Variants in SPIDR observed in about 807,000 individuals in gnomAD.
The protein encoded by SPIDR is DNA repair-scaffolding protein.
In SPIDR, 93 loss-of-function variants were observed where a neutral mutation model predicts 104.6. The observed-to-expected ratio is 0.89, with a 90% CI of 0.75 to 1.06. The LOEUF (loss-of-function observed/expected upper bound fraction) is 1.06. Ranked by LOEUF, SPIDR falls within the 50% of genes least tolerant of loss-of-function variation. SPIDR has a pLI of 0.00. For synonymous variants in SPIDR, 431 were observed against 416.9 expected (o/e 1.03, Z -0.41); for missense variants, 1,154 against 1,111.2 (o/e 1.04, Z -0.55).
In SPIDR at chr8:47,572,731, G is replaced by A. The variant is rs1248428525; in HGVS notation, c.1098-23080G>A. Among the ~76,000 whole-genome samples, 5 of 151,596 alleles carry A rather than the reference G, an allele frequency of 3.3e-5. No individual in the cohort carries two copies. The East Asian group carries it at 5.8e-4, about 18-fold the overall frequency. On this transcript the variant is annotated intron_variant, in intron 8 of 19. Transcript: ENST00000297423. ...AAATAACTTGTACGATTCCTGTATTGTTTCCTTTGAAGATGTGGTTTGCAA... is the reference window on the plus strand; with the variant it reads ...AAATAACTTGTACGATTCCTGTATTATTTCCTTTGAAGATGTGGTTTGCAA...
chr8:47,726,122 C>T (rs936448034), intron 16 of SPIDR, among the ~76,000 whole-genome samples: 3 of 152,250 alleles, frequency 2.0e-5, no homozygotes, highest in East Asian at 1.9e-4. Context: ...AGCTGCATTA[C>T]GAGCCTTTAT....
At chr8:47,499,923 G>C (rs2080102695) in intron 8 of SPIDR, among the ~76,000 whole-genome samples, 1 of 152,106 alleles carries the variant, frequency 6.6e-6, no homozygotes, top group Non-Finnish European at 1.5e-5. Flanking sequence ...ATAGTTTGCT[G>C]AGATTGATGG....
chr8:47,729,421 C>T lies in SPIDR; in HGVS notation c.2560C>T (p.Arg854Cys), dbSNP rs1019399156. 16 of 1,594,474 alleles carry T rather than the reference C, an allele frequency of 1.0e-5. No homozygotes were observed. Among genetic ancestry groups the T allele is most frequent in the African/African-American group, 1.3e-5 (1 of 74,760 alleles). ...GCTTCTGCTGTTGCAGCTGTTGCAG[C>T]GCAGCATTTCCTCCCTGCTGAGGTT... The part of the protein sequence containing the change: ...QCRVKVKLLQ[R>C]SISSLLRFAA... The change falls in exon 19 of 20, where the codon CGC (arginine) becomes TGC (cysteine). Residue 854 changes from arginine (R) to cysteine (C), a missense_variant. Physicochemically the swap from Arg to Cys is radical, Grantham distance 180. Transcript: ENST00000297423.
chr8:47,639,873 G>A (rs1025453726), intron 10 of SPIDR, among the ~76,000 whole-genome samples: 3 of 151,910 alleles, frequency 2.0e-5, no homozygotes, highest in Non-Finnish European at 2.9e-5. Flanking sequence ...GCTTGAACCC[G>A]GAGGCAGAGG....
In SPIDR at chr8:47,493,038, A is replaced by AGTGTGTGTGT. The variant is rs1363442147; in HGVS notation, c.1097+52499_1097+52500insTGTGTGTGTG. Among the ~76,000 whole-genome samples the AGTGTGTGTGT allele has an allele frequency of 8.8e-3, 570 of 64,780 alleles. 2 individuals are homozygous for AGTGTGTGTGT. The highest frequency in any genetic ancestry group is 0.013 in the Non-Finnish European group (451 of 34,414). 42.5% of individuals were successfully genotyped at this position (64,780 alleles called of 152,430 possible). A position where few individuals can be genotyped will look rare whatever the true frequency, so the allele number is the denominator to read the frequency against. The stretch of plus-strand genomic sequence containing the variant: ...ATTGGAGAGAGAGAGAGAGAGAGAG[A>AGTGTGTGTGT]GTGAGTGTGTGTGTGTGTGTGTGTG... On this transcript the variant is annotated intron_variant, in intron 8 of 19. Transcript: ENST00000297423.
At chr8:47,411,910 G>A (rs2063584886) in intron 7 of SPIDR, among the ~76,000 whole-genome samples, 1 of 152,116 alleles carries the variant, frequency 6.6e-6, no homozygotes, top group African/African-American at 2.4e-5. Context: ...ATTAAATAAG[G>A]ATTCCTTTCC....
At chr8:47,545,761 A>G (rs959418551) in intron 8 of SPIDR, among the ~76,000 whole-genome samples, 10 of 151,994 alleles carry the variant, frequency 6.6e-5, no homozygotes, top group Non-Finnish European at 1.3e-4. Flanking sequence ...AATATTAACT[A>G]TAGGTTTTTT....
intron 8 of SPIDR, among the ~76,000 whole-genome samples, chr8:47,504,179 C>T (rs1275058541): frequency 2.0e-5 from 3 of 152,130 alleles, no homozygotes; most frequent in Non-Finnish European, 4.4e-5. Flanking sequence ...TGAATGTTGG[C>T]CTGCCTTGCT....
chr8:47,263,554 C>A (rs1458827589), intron 1 of SPIDR, among the ~76,000 whole-genome samples: 1 of 152,110 alleles, frequency 6.6e-6, no homozygotes, highest in African/African-American at 2.4e-5. Context: ...CTCCTGACGT[C>A]GTGATCCGCC....
At chr8:47,370,348 A>G (rs2154294638) in intron 5 of SPIDR, among the ~76,000 whole-genome samples, 1 of 152,282 alleles carries the variant, frequency 6.6e-6, no homozygotes, top group East Asian at 1.9e-4. Flanking sequence ...CCAACACATA[A>G]GAAACAGTAT....
At chr8:47,580,074 A>G (rs937267122) in intron 8 of SPIDR, among the ~76,000 whole-genome samples, 1 of 152,238 alleles carries the variant, frequency 6.6e-6, no homozygotes, top group Non-Finnish European at 1.5e-5. Flanking sequence ...GAAGAGGACT[A>G]AGAGCATAGC....
rs907667491 is a variant in SPIDR at position 47,576,953 on chromosome 8, C to T, written c.1098-18858C>T. On this transcript the variant is annotated intron_variant, in intron 8 of 19. Transcript: ENST00000297423. ...TTTGACCTGCCATACAACAGTACCA[C>T]TCCAAATAGTTTTCACCTGGAGAAA... is the stretch of plus-strand genomic sequence containing the variant. Among the ~76,000 whole-genome samples, 21 of 152,292 alleles carry T rather than the reference C, an allele frequency of 1.4e-4. 1 individual carries two copies. Among genetic ancestry groups the T allele is most frequent in the Admixed American group, 1.4e-3 (21 of 15,296 alleles).
At chr8:47,414,661 C>A (rs1298386931) in intron 7 of SPIDR, among the ~76,000 whole-genome samples, 1 of 152,164 alleles carries the variant, frequency 6.6e-6, no homozygotes, top group African/African-American at 2.4e-5. Flanking sequence ...GTATCCCACT[C>A]CCTTATATTG....
At chr8:47,665,599 T>C (rs2074800402) in intron 10 of SPIDR, among the ~76,000 whole-genome samples, 1 of 152,234 alleles carries the variant, frequency 6.6e-6, no homozygotes, top group Non-Finnish European at 1.5e-5. Flanking sequence ...AATTAAATAA[T>C]GTCATACATA....
chr8:47,449,761 C>T (rs1390556538), intron 8 of SPIDR, among the ~76,000 whole-genome samples: 2 of 152,126 alleles, frequency 1.3e-5, no homozygotes, highest in African/African-American at 4.8e-5. Context: ...GGAAGGCAGT[C>T]ATTTATTCTA....
At position 47,553,438 on chromosome 8, in the gene SPIDR, C is replaced by T. The variant is rs571782518; in HGVS notation, c.1098-42373C>T. Reference sequence around the variant, plus strand: ...TCCCATATTTTTTGGAGGCATTGTTCGTTTCTTTTTACTCTTTTTTCTCTA... The same window carrying T: ...TCCCATATTTTTTGGAGGCATTGTTTGTTTCTTTTTACTCTTTTTTCTCTA... On this transcript the variant is annotated intron_variant, in intron 8 of 19. Transcript: ENST00000297423. Among the ~76,000 whole-genome samples the T allele has an allele frequency of 6.6e-5, 10 of 152,220 alleles. No homozygotes were observed. The East Asian group carries it at 7.7e-4, about 12-fold the overall frequency.
At chr8:47,432,848 A>G (rs537420292) in intron 7 of SPIDR, among the ~76,000 whole-genome samples, 3 of 152,316 alleles carry the variant, frequency 2.0e-5, no homozygotes, top group East Asian at 3.9e-4. Context: ...CAGGGTGGCT[A>G]TCATTACATC....
chr8:47,485,472 A>C (rs1384897811), intron 8 of SPIDR, among the ~76,000 whole-genome samples: 2 of 152,212 alleles, frequency 1.3e-5, no homozygotes, highest in Non-Finnish European at 2.9e-5. Context: ...CTGCAGACTT[A>C]AATGTCCCTG....
chr8:47,685,497 A>ATTTTTTTTT (rs1383864694), intron 11 of SPIDR, among the ~76,000 whole-genome samples: 27 of 113,178 alleles, frequency 2.4e-4, no homozygotes, highest in Non-Finnish European at 4.1e-4. Flanking sequence ...TTATTTATTT[A>ATTTTTTTTT]TTTATTTATT....
Sources: gnomAD v4.1 joint callset for allele counts (sites outside exome capture counted in the v4.1 genomes callset) on GRCh38, gnomAD v4.1.1 for gene constraint, MANE v1.5 for transcripts, NCBI Gene and HGNC (gene_info 2026-07-23, HGNC 2026-07-21) for gene names.